Variants in PRKAG2 observed in about 807,000 individuals in gnomAD.
PRKAG2 encodes 5'-AMP-activated protein kinase subunit gamma-2.
PRKAG2 carries 26 observed loss-of-function variants against 69.6 expected under a neutral mutation model. That is an observed-to-expected ratio of 0.37 (90% CI 0.27 to 0.52). PRKAG2 has a LOEUF of 0.52. Ranked by LOEUF, PRKAG2 falls within the 20% of genes least tolerant of loss-of-function variation. PRKAG2 has a pLI of 0.90. For synonymous variants in PRKAG2, 293 were observed against 285.0 expected (o/e 1.03, Z -0.28); for missense variants, 557 against 740.0 (o/e 0.75, Z 2.87).
intron 3 of PRKAG2, among the ~76,000 whole-genome samples, chr7:151,714,716 C>T (rs569753126): frequency 2.6e-5 from 4 of 152,128 alleles, no homozygotes; most frequent in East Asian, 3.9e-4. Flanking sequence ...TTGGGAGGCT[C>T]GGGCAAGTGG....
chr7:151,726,265 G>A (rs140077948), intron 3 of PRKAG2, among the ~76,000 whole-genome samples: 2 of 152,094 alleles, frequency 1.3e-5, no homozygotes, highest in South Asian at 2.1e-4. Context: ...CTGCGTGTGC[G>A]CAGAGCCGGA....
At chr7:151,577,324 T>C (rs756668078) in intron 6 of PRKAG2, among the ~76,000 whole-genome samples, 12 of 152,242 alleles carry the variant, frequency 7.9e-5, no homozygotes, top group Non-Finnish European at 1.8e-4. Context: ...TCTTTTGGGA[T>C]ACCATAAGGT....
intron 1 of PRKAG2, chr7:151,809,157 T>A (rs757717691): frequency 5.2e-5 from 23 of 440,950 alleles, no homozygotes; most frequent in Admixed American, 1.5e-4. Flanking sequence ...CCTGCGTAAA[T>A]GCCTGCCTTG....
At chr7:151,692,067 T>G (rs1835747476) in intron 3 of PRKAG2, among the ~76,000 whole-genome samples, 1 of 152,120 alleles carries the variant, frequency 6.6e-6, no homozygotes, top group Non-Finnish European at 1.5e-5. Flanking sequence ...ACACTCCTGT[T>G]GTCCCGGCTG....
chr7:151,575,954 CACCTTCTTACCCAGTATGTAA>C (rs1808826762), intron 7 of PRKAG2, among the ~76,000 whole-genome samples: 2 of 150,490 alleles, frequency 1.3e-5, no homozygotes, highest in Non-Finnish European at 3.0e-5. Flanking sequence ...CTAGCACGTC[CACCTTCTTACCCAGTATGTAA>C]AAGCAAGGAA....
intron 5 of PRKAG2, among the ~76,000 whole-genome samples, chr7:151,611,818 A>T (rs1307803395): frequency 6.6e-6 from 1 of 152,076 alleles, no homozygotes; most frequent in Non-Finnish European, 1.5e-5. Flanking sequence ...CTTTGGGAGG[A>T]CGAGGCGGGC....
intron 3 of PRKAG2, among the ~76,000 whole-genome samples, chr7:151,765,403 A>T (rs536816416): frequency 4.6e-5 from 7 of 152,248 alleles, no homozygotes; most frequent in Non-Finnish European, 1.0e-4. Flanking sequence ...ATCACCTCCC[A>T]CCAGGCCCCT....
intron 1 of PRKAG2, among the ~76,000 whole-genome samples, chr7:151,791,911 AGACAAGTGGTATCATCCCC>A (rs1318357728): frequency 6.6e-6 from 1 of 152,248 alleles, no homozygotes; most frequent in Non-Finnish European, 1.5e-5. Context: ...CAAGTAGGAA[AGACAAGTGGTATCATCCCC>A]GACTATAGAT....
intron 5 of PRKAG2, among the ~76,000 whole-genome samples, chr7:151,619,186 T>C (rs1025328739): frequency 2.6e-5 from 4 of 152,140 alleles, no homozygotes; most frequent in Non-Finnish European, 5.9e-5. Flanking sequence ...GAACTATTAA[T>C]ACATAATTAA....
chr7:151,843,868 T>C (rs1362041417), intron 1 of PRKAG2, among the ~76,000 whole-genome samples: 1 of 152,242 alleles, frequency 6.6e-6, no homozygotes, highest in African/African-American at 2.4e-5. Flanking sequence ...GGACATGTCA[T>C]GGCAGAAGGC....
In PRKAG2 at chr7:151,788,306, G is replaced by A. The variant is rs998827513; in HGVS notation, c.115-1765C>T. Among the ~76,000 whole-genome samples the A allele has an allele frequency of 4.6e-5, 7 of 152,232 alleles. No individual in the cohort carries two copies. Among genetic ancestry groups the A allele is most frequent in the African/African-American group, 1.7e-4 (7 of 41,454 alleles). ...TCTGTGACAGCCATCTTAAGTGGGC[G>A]TGAGCTGGTATCTCATTGTGGTTTT... is the stretch of plus-strand genomic sequence containing the variant. On this transcript the variant is annotated intron_variant, in intron 1 of 15. Transcript: ENST00000287878. The surrounding 1 kb of genome is among the most constrained non-coding windows in gnomAD (Gnocchi z 4.6).
intron 1 of PRKAG2, among the ~76,000 whole-genome samples, chr7:151,823,799 G>A (rs758067823): frequency 2.0e-5 from 3 of 152,076 alleles, no homozygotes; most frequent in Non-Finnish European, 2.9e-5. Context: ...GTCCACCCCT[G>A]GCTAAATCAT....
chr7:151,632,488 G>T lies in PRKAG2; in HGVS notation c.685-350C>A. On this transcript the variant is annotated intron_variant, in intron 4 of 15. Transcript: ENST00000287878. This position sits in a 1 kb window ranked among gnomAD's most constrained non-coding sequence, Gnocchi z 4.2. ...CCTGGGCCCGGGGCGCCCCCCTCCGGCCGTGGCCCGCGTCCTCCCCGCCGT... is the reference window on the plus strand; with the variant it reads ...CCTGGGCCCGGGGCGCCCCCCTCCGTCCGTGGCCCGCGTCCTCCCCGCCGT... The T allele has an allele frequency of 2.4e-6, 2 of 847,480 alleles. No homozygotes were observed. The highest frequency in any genetic ancestry group is 2.8e-6 in the Non-Finnish European group (2 of 704,674). 52.5% of individuals were successfully genotyped at this position (847,480 alleles called of 1,614,324 possible).
intron 14 of PRKAG2, among the ~76,000 whole-genome samples, chr7:151,562,954 CAAAA>C (rs35394134): frequency 4.4e-5 from 5 of 113,344 alleles, no homozygotes; most frequent in Admixed American, 9.3e-5. Context: ...GACTCCGTCT[CAAAA>C]AAAAAAAAAA....
intron 5 of PRKAG2, among the ~76,000 whole-genome samples, chr7:151,630,173 C>T (rs113129955): frequency 0.016 from 2,472 of 152,104 alleles, 57 homozygotes; most frequent in African/African-American, 0.056. Flanking sequence ...GGAAATTCCT[C>T]TCTTAGACAC....
At chr7:151,727,979 C>T (rs1227461931) in intron 3 of PRKAG2, among the ~76,000 whole-genome samples, 6 of 152,182 alleles carry the variant, frequency 3.9e-5, no homozygotes, top group Non-Finnish European at 5.9e-5. Context: ...GGCGGACGCC[C>T]GGACACTCCC....
intron 4 of PRKAG2, among the ~76,000 whole-genome samples, chr7:151,636,648 A>G (rs112675802): frequency 0.013 from 2,016 of 152,204 alleles, 28 homozygotes; most frequent in African/African-American, 0.046. Flanking sequence ...GTTTCATTTC[A>G]TATATACAGG....
chr7:151,767,850 C>CT (rs5888451), intron 3 of PRKAG2, among the ~76,000 whole-genome samples: 106,635 of 152,026 alleles, frequency 0.7, 37,957 homozygotes, highest in East Asian at 0.98. Flanking sequence ...GCTCTGGTTC[C>CT]TCTTATTCTG....
At chr7:151,754,052 T>C (rs1485262725) in intron 3 of PRKAG2, among the ~76,000 whole-genome samples, 2 of 152,106 alleles carry the variant, frequency 1.3e-5, no homozygotes, top group African/African-American at 4.8e-5. Context: ...TGGGCCTGTG[T>C]GTTAAGTAAG....
Sources: allele counts gnomAD v4.1 joint callset (sites outside exome capture counted in the v4.1 genomes callset), GRCh38; gene constraint gnomAD v4.1.1; non-coding constraint Gnocchi (gnomAD v3.1); transcripts MANE v1.5; gene names NCBI Gene and HGNC (gene_info 2026-07-23, HGNC 2026-07-21).